Variants in BMP7 observed in about 807,000 individuals in gnomAD.
BMP7 encodes the protein bone morphogenetic protein 7, also known as osteogenic protein 1.
A neutral mutation model predicts 41.2 loss-of-function variants in BMP7; 12 were observed. The ratio of observed to expected loss-of-function variants is 0.29; its 90% confidence interval spans 0.19 to 0.47. BMP7 has a LOEUF of 0.47. BMP7 is among the 20% of genes least tolerant of loss of function. The pLI is 0.99. For missense variants in BMP7, 467 were observed against 606.0 expected, an observed-to-expected ratio of 0.77 and a Z score of 2.41; for synonymous variants, 248 against 250.0, an observed-to-expected ratio of 0.99 and a Z score of 0.07.
At chr20:57,198,129 CCTCTCCTCTCG>C (rs1229626528) in intron 3 of BMP7, among the ~76,000 whole-genome samples, 1 of 139,294 alleles carries the variant, frequency 7.2e-6, no homozygotes, top group Non-Finnish European at 1.6e-5. Context: ...CCTCTCCCCT[CCTCTCCTCTCG>C]CTCTCCTCTC....
At chr20:57,223,900 G>T (rs1318392830) in intron 2 of BMP7, among the ~76,000 whole-genome samples, 1 of 152,200 alleles carries the variant, frequency 6.6e-6, no homozygotes, top group Non-Finnish European at 1.5e-5. Context: ...GCATCCCCAG[G>T]AGAGGACTGG....
At position 57,219,137 on chromosome 20, in the gene BMP7, C is replaced by T. The variant is rs1377648843; in HGVS notation, c.611+9092G>A. On this transcript the variant is annotated intron_variant, in intron 2 of 6. Transcript: ENST00000395863. The stretch of plus-strand genomic sequence containing the variant: ...TGGTGTTTGTTCGGTGGTAGCTGTT[C>T]GGTGGTAGCTGGTGTTCAGTGGTAG... Among the ~76,000 whole-genome samples the T allele has an allele frequency of 1.2e-4, 13 of 105,052 alleles. 3 individuals are homozygous for T. The highest frequency in any genetic ancestry group is 9.3e-4 in the African/African-American group (12 of 12,890). 68.9% of individuals were successfully genotyped at this position (105,052 alleles called of 152,430 possible). A position where few individuals can be genotyped will look rare whatever the true frequency, so the allele number is the denominator to read the frequency against.
chr20:57,179,256 G>A (rs1348529281), intron 4 of BMP7, among the ~76,000 whole-genome samples: 1 of 152,198 alleles, frequency 6.6e-6, no homozygotes, highest in African/African-American at 2.4e-5. Context: ...TCCCCTGTCC[G>A]TCCAAGCCTG....
intron 3 of BMP7, among the ~76,000 whole-genome samples, chr20:57,187,750 A>T (rs543357636): frequency 8.5e-5 from 13 of 152,142 alleles, no homozygotes; most frequent in Non-Finnish European, 1.9e-4. Context: ...TGAAGCCCGC[A>T]TTCTCACCCC....
At position 57,183,711 on chromosome 20, in the gene BMP7, C is replaced by T. The variant is rs1249601177; in HGVS notation, c.958+11G>A. The stretch of plus-strand genomic sequence containing the variant: ...TGTGGTGGGTCTGTGATCCCTCCCA[C>T]CTAAGCATACCTGCCACGTTGGCCA... On this transcript the variant is annotated intron_variant, in intron 4 of 6. Coordinates refer to ENST00000395863, the MANE Select transcript of BMP7 (RefSeq NM_001719.3). 2.5e-6 allele frequency: 4 copies of T among 1,613,752 alleles called. No homozygotes were observed. The South Asian group carries it at 4.4e-5, about 18-fold the overall frequency.
intron 1 of BMP7, among the ~76,000 whole-genome samples, chr20:57,234,495 A>G (rs1309174674): frequency 1.3e-5 from 2 of 152,182 alleles, no homozygotes; most frequent in Admixed American, 6.5e-5. Context: ...AGCTCTTCCA[A>G]TCTATGAGTT....
At chr20:57,220,635 C>G (rs1230978132) in intron 2 of BMP7, among the ~76,000 whole-genome samples, 2 of 152,210 alleles carry the variant, frequency 1.3e-5, no homozygotes, top group Non-Finnish European at 2.9e-5. Flanking sequence ...GGCTGCCGCA[C>G]ACACGCTGAT....
intron 1 of BMP7, among the ~76,000 whole-genome samples, chr20:57,260,098 T>C (rs1444408929): frequency 6.6e-6 from 1 of 152,112 alleles, no homozygotes; most frequent in African/African-American, 2.4e-5. Context: ...AAGAAAAGCA[T>C]GTGAAGCTCT....
chr20:57,255,747 T>C (rs1136892), intron 1 of BMP7, among the ~76,000 whole-genome samples: 67,072 of 140,066 alleles, frequency 0.48, 15,444 homozygotes, highest in Admixed American at 0.56. Context: ...TTGCAGTGAG[T>C]GGAGATCATG....
In BMP7 at chr20:57,183,572, G is replaced by C. The variant is rs533597066; in HGVS notation, c.958+150C>G. 5.2e-6 allele frequency: 5 copies of C among 952,876 alleles called. No individual in the cohort carries two copies. The Admixed American group carries it at 8.2e-5, about 16-fold the overall frequency. 59.0% of individuals were successfully genotyped at this position (952,876 alleles called of 1,614,324 possible). A position where few individuals can be genotyped will look rare whatever the true frequency, so the allele number is the denominator to read the frequency against. ...ACAGAATTAAGATGTCCTGTGTAGG[G>C]GTGGATTTGGGGGTTTTCTTCCTGC... On this transcript the variant is annotated intron_variant, in intron 4 of 6. Transcript: ENST00000395863.
At position 57,228,864 on chromosome 20, in the gene BMP7, G is replaced by A. The variant is rs986615677; in HGVS notation, c.419-443C>T. Among the ~76,000 whole-genome samples the A allele has an allele frequency of 2.6e-5, 4 of 152,212 alleles. No homozygotes were observed. The highest frequency in any genetic ancestry group is 2.9e-5 in the Non-Finnish European group (2 of 68,048). On this transcript the variant is annotated intron_variant, in intron 1 of 6. Coordinates refer to ENST00000395863, the MANE Select transcript of BMP7 (RefSeq NM_001719.3). The surrounding 1 kb of genome is among the most constrained non-coding windows in gnomAD (Gnocchi z 4.5). ...AATCCTCCTTCATGGGTTATGGTCA[G>A]GGTTGAATGATCTCATTCACACAAA... is the stretch of plus-strand genomic sequence containing the variant.
At chr20:57,175,238 A>T (rs1156753403) in intron 4 of BMP7, among the ~76,000 whole-genome samples, 1 of 152,176 alleles carries the variant, frequency 6.6e-6, no homozygotes, top group Non-Finnish European at 1.5e-5. Context: ...TTCCTCTCTC[A>T]TGTAGTCTTA....
intron 1 of BMP7, among the ~76,000 whole-genome samples, chr20:57,260,301 T>C (rs878884889): frequency 6.6e-6 from 1 of 152,156 alleles, no homozygotes; most frequent in Non-Finnish European, 1.5e-5. Context: ...GCTCGCTTCT[T>C]GAAGGACCAG....
At chr20:57,260,337 C>A (rs1014629953) in intron 1 of BMP7, among the ~76,000 whole-genome samples, 2 of 152,186 alleles carry the variant, frequency 1.3e-5, no homozygotes, top group Non-Finnish European at 2.9e-5. Flanking sequence ...CCTCTACACA[C>A]ATGTCCACCT....
chr20:57,175,935 CT>C (rs1176851964), intron 4 of BMP7, among the ~76,000 whole-genome samples: 3 of 152,232 alleles, frequency 2.0e-5, no homozygotes, highest in Non-Finnish European at 4.4e-5. Flanking sequence ...TGCAATGCCC[CT>C]CCCTGCAATC....
At chr20:57,216,669 C>T (rs1985039289) in intron 2 of BMP7, among the ~76,000 whole-genome samples, 2 of 152,066 alleles carry the variant, frequency 1.3e-5, no homozygotes, top group African/African-American at 4.8e-5. Flanking sequence ...ACCTTGACTC[C>T]GACTCCTCAG....
chr20:57,211,331 G>A (rs1444509704), intron 2 of BMP7, among the ~76,000 whole-genome samples: 1 of 152,232 alleles, frequency 6.6e-6, no homozygotes, highest in Non-Finnish European at 1.5e-5. Flanking sequence ...CCAGGCCAGA[G>A]GTTACTCGAA....
At chr20:57,179,901 G>A (rs1984035515) in intron 4 of BMP7, among the ~76,000 whole-genome samples, 1 of 152,210 alleles carries the variant, frequency 6.6e-6, no homozygotes, top group East Asian at 1.9e-4. Flanking sequence ...CCGTCCTGGG[G>A]GCTGTGTAAA....
intron 1 of BMP7, among the ~76,000 whole-genome samples, chr20:57,230,747 G>T (rs1054804760): frequency 7.3e-5 from 11 of 150,952 alleles, no homozygotes; most frequent in Non-Finnish European, 1.6e-4. Context: ...CGCGATCTCG[G>T]CTTACTACAA....
Sources: gnomAD v4.1 joint callset for allele counts (sites outside exome capture counted in the v4.1 genomes callset) on GRCh38, gnomAD v4.1.1 for gene constraint, Gnocchi (gnomAD v3.1) non-coding constraint, MANE v1.5 for transcripts, NCBI Gene and HGNC (gene_info 2026-07-23, HGNC 2026-07-21) for gene names.